Variants in POC1B observed in about 807,000 individuals in gnomAD.
The protein encoded by POC1B is POC1 centriolar protein homolog B.
Under a neutral mutation model 60.6 loss-of-function variants are expected in POC1B, and 44 were observed. The ratio of observed to expected loss-of-function variants is 0.73; its 90% CI spans 0.57 to 0.93. POC1B has a LOEUF of 0.93. Ranked by LOEUF, POC1B falls within the 40% of genes least tolerant of loss-of-function variation. The pLI, the probability that POC1B is intolerant of heterozygous loss-of-function variation, is 0.00. For synonymous variants in POC1B, 180 were observed against 198.9 expected (o/e 0.90, Z 0.80); for missense variants, 555 against 572.3 (o/e 0.97, Z 0.31).
the POC1B span, among the ~76,000 whole-genome samples, chr12:89,412,930 T>G: frequency 6.8e-6 from 1 of 146,538 alleles, no homozygotes; most frequent in South Asian, 2.4e-4. Context: ...TCTCACTCAC[T>G]CTCGTCACCC....
chr12:89,448,757 GTGTCTTAAACACAA>G (rs1303297409), intron 10 of POC1B, among the ~76,000 whole-genome samples: 1 of 152,242 alleles, frequency 6.6e-6, no homozygotes. Context: ...AGAGACAAGT[GTGTCTTAAACACAA>G]TTCTTCCTGA....
intron 10 of POC1B, among the ~76,000 whole-genome samples, chr12:89,452,118 GT>G (rs1882067320): frequency 6.6e-6 from 1 of 152,162 alleles, no homozygotes; most frequent in Non-Finnish European, 1.5e-5. Context: ...GGAACCAGTT[GT>G]TACTGGATGT....
intron 2 of POC1B, among the ~76,000 whole-genome samples, chr12:89,515,322 A>G (rs2051175718): frequency 6.6e-6 from 1 of 152,104 alleles, no homozygotes; most frequent in Non-Finnish European, 1.5e-5. Context: ...TTTTGAAGAT[A>G]GGGGTCCCAC....
At chr12:89,512,385 CAT>C (rs1870231862) in intron 2 of POC1B, among the ~76,000 whole-genome samples, 1 of 152,120 alleles carries the variant, frequency 6.6e-6, no homozygotes, top group African/African-American at 2.4e-5. Context: ...TCAAATTTCA[CAT>C]GTCTTTGAGG....
At chr12:89,438,184 G>A (rs1218980333) in intron 10 of POC1B, among the ~76,000 whole-genome samples, 2 of 152,006 alleles carry the variant, frequency 1.3e-5, no homozygotes, top group Admixed American at 6.6e-5. Context: ...CAGGCCGGGC[G>A]CGGTGGCTCA....
At position 89,523,450 on chromosome 12, in the gene POC1B, C is replaced by T. The variant is rs1383717064; in HGVS notation, c.100+1670G>A. 11 of 1,613,962 alleles carry T rather than the reference C, an allele frequency of 6.8e-6. No individual in the cohort carries two copies. The highest frequency in any genetic ancestry group is 4.0e-5 in the African/African-American group (3 of 74,926). ...GAAATTGGGGCGAGCATATGGTGCC[C>T]GCTTGGGGAACACATGGCCCACGTG... On this transcript the variant is annotated intron_variant, in intron 2 of 11. Coordinates refer to ENST00000313546, the MANE Select transcript of POC1B (RefSeq NM_172240.3).
chr12:89,522,510 A>T (rs1360395516), intron 2 of POC1B: 1 of 346,482 alleles, frequency 2.9e-6, no homozygotes, highest in Non-Finnish European at 5.1e-6. Context: ...TTTAATATTA[A>T]GTCTGGCACT....
rs1054970225 is a variant in POC1B at position 89,519,408 on chromosome 12, T to A, written c.100+5712A>T. On this transcript the variant is annotated intron_variant, in intron 2 of 11. Coordinates refer to ENST00000313546, the MANE Select transcript of POC1B (RefSeq NM_172240.3). ...TTCCCATAGGCTAAAATAATCACAATCTATTTGCAAAAATAATCAGGCACA... is the reference window on the plus strand; with the variant it reads ...TTCCCATAGGCTAAAATAATCACAAACTATTTGCAAAAATAATCAGGCACA... The A allele has an allele frequency of 2.0e-5, 3 of 152,154 alleles. No homozygotes were observed. The East Asian group carries it at 5.8e-4, about 29-fold the overall frequency. 9.4% of individuals were successfully genotyped at this position (152,154 alleles called of 1,614,324 possible).
Position 89,494,345 on chromosome 12 carries a change from C to T in POC1B, c.273-2230G>A, listed in dbSNP as rs1368580450. Among the ~76,000 whole-genome samples, 4 of 152,202 alleles carry T rather than the reference C, an allele frequency of 2.6e-5. No individual in the cohort carries two copies. The East Asian group carries it at 7.7e-4, about 29-fold the overall frequency. On this transcript the variant is annotated intron_variant, in intron 3 of 11. Transcript: ENST00000313546. ...GAATTACAGGTGCGAGTCATGCCCC[C>T]AGCCTCTCCCTATTCTTTCTTAGCC...
chr12:89,409,538 T>C, the POC1B span, among the ~76,000 whole-genome samples: 1 of 151,866 alleles, frequency 6.6e-6, no homozygotes, highest in Non-Finnish European at 1.5e-5. Context: ...TTGTATCATA[T>C]AAAATAGATA....
Position 89,425,265 on chromosome 12 carries a change from T to C in POC1B, c.1228A>G (p.Thr410Ala), listed in dbSNP as rs776799128. 15 of 1,613,998 alleles carry C rather than the reference T, an allele frequency of 9.3e-6. No individual in the cohort carries two copies. Among genetic ancestry groups the C allele is most frequent in the Non-Finnish European group, 3.4e-6 (4 of 1,180,022 alleles). ...CAGGGGAGGTCACTCATGTCTTCTG[T>C]TTTCTTTTTCGTGGTTGTTGGCAAA... is the stretch of plus-strand genomic sequence containing the variant. Reference protein sequence around the residue: ...ECLPTTTKKKTEDMSDLPCES... With the variant: ...ECLPTTTKKKAEDMSDLPCES... Residue 410 changes from threonine to alanine, a missense_variant, in exon 11 of 12, where the codon ACA (threonine) becomes GCA (alanine). Physicochemically the swap from Thr to Ala is moderately conservative, Grantham distance 58. Coordinates refer to ENST00000313546, the MANE Select transcript of POC1B (RefSeq NM_172240.3).
chr12:89,500,338 T>C lies in POC1B; in HGVS notation c.101-2996A>G, dbSNP rs1426465320. On this transcript the variant is annotated intron_variant, in intron 2 of 11. Coordinates refer to ENST00000313546, the MANE Select transcript of POC1B (RefSeq NM_172240.3). ...CAAGCAAAGAGTGCCAGAAATCACA[T>C]CCAAAGTCAGTTCCACTTTCTTCAA... 7 of 1,514,988 alleles carry C rather than the reference T, an allele frequency of 4.6e-6. No individual in the cohort carries two copies. In the East Asian group the frequency reaches 1.4e-4, roughly 29 times the overall value. The allele number at this position is 1,514,988 out of a possible 1,614,324, so 93.8% of individuals were successfully genotyped here. A position where few individuals can be genotyped will look rare whatever the true frequency, so the allele number is the denominator to read the frequency against.
At chr12:89,418,699 G>A (rs1452909753), downstream of POC1B, among the ~76,000 whole-genome samples, 1 of 152,042 alleles carries the variant, frequency 6.6e-6, no homozygotes. Flanking sequence ...AAAGAACTTG[G>A]CACCACTCTC....
At chr12:89,476,759 T>TAGATAGGTAGAC (rs1485211003) in intron 4 of POC1B, among the ~76,000 whole-genome samples, 1 of 58,582 alleles carries the variant, frequency 1.7e-5, no homozygotes, top group East Asian at 6.1e-4. Context: ...GATAGATAGA[T>TAGATAGGTAGAC]AGACAGACAG....
intron 10 of POC1B, among the ~76,000 whole-genome samples, chr12:89,443,199 C>T (rs1053479821): frequency 2.6e-5 from 4 of 152,192 alleles, no homozygotes; most frequent in Non-Finnish European, 4.4e-5. Flanking sequence ...TTCAACAAGA[C>T]AGAAAGTTAA....
chr12:89,406,812 T>C, the POC1B span, among the ~76,000 whole-genome samples: 1 of 151,724 alleles, frequency 6.6e-6, no homozygotes, highest in Admixed American at 6.6e-5. Flanking sequence ...TAATATGTGA[T>C]ATATAAGATA....
At chr12:89,455,662 AT>A (rs1201013628) in intron 10 of POC1B, among the ~76,000 whole-genome samples, 3 of 152,128 alleles carry the variant, frequency 2.0e-5, no homozygotes, top group Non-Finnish European at 4.4e-5. Context: ...AGACCCTTGG[AT>A]TTTTTTCTAT....
At chr12:89,467,317 T>C (rs559285936) in intron 8 of POC1B, among the ~76,000 whole-genome samples, 1 of 152,252 alleles carries the variant, frequency 6.6e-6, no homozygotes, top group South Asian at 2.1e-4. Flanking sequence ...TCAAGAAGCT[T>C]AAGATAAGGC....
intron 2 of POC1B, among the ~76,000 whole-genome samples, chr12:89,518,376 T>G (rs1165349613): frequency 6.6e-6 from 1 of 152,212 alleles, no homozygotes; most frequent in African/African-American, 2.4e-5. Context: ...TCAAGTATTA[T>G]TAATACTAAA....
Sources: gnomAD v4.1 joint callset for allele counts (sites outside exome capture counted in the v4.1 genomes callset) on GRCh38, gnomAD v4.1.1 for gene constraint, MANE v1.5 for transcripts, NCBI Gene and HGNC (gene_info 2026-07-23, HGNC 2026-07-21) for gene names.